The following FNTB variants were observed in gnomAD, a reference collection of about 807,000 sequenced individuals.
FNTB encodes farnesyltransferase, CAAX box, subunit beta.
Under a neutral mutation model 59.4 loss-of-function variants are expected in FNTB, and 27 were observed. That is an observed-to-expected ratio of 0.45 (90% CI 0.34 to 0.63). The LOEUF (loss-of-function observed/expected upper bound fraction) is 0.63, where lower values mean the gene tolerates loss of function less well. Ranked by LOEUF, FNTB falls within the 20% of genes least tolerant of loss-of-function variation. The pLI, the probability that FNTB is intolerant of heterozygous loss-of-function variation, is 0.02. For synonymous variants in FNTB, 230 were observed against 220.7 expected, an observed-to-expected ratio of 1.04 and a Z score of -0.37; for missense variants, 449 against 559.6, an observed-to-expected ratio of 0.80 and a Z score of 1.99.
chr14:65,003,538 T>C (rs1013682856), intron 1 of FNTB: 7 of 152,128 alleles, frequency 4.6e-5, no homozygotes, highest in Non-Finnish European at 1.0e-4. Context: ...GCTTCATGTA[T>C]ACATAGGAGA....
intron 9 of FNTB, among the ~76,000 whole-genome samples, chr14:65,051,610 CAAAAAAGAAAAA>C (rs1485507886): frequency 6.9e-6 from 1 of 145,244 alleles, no homozygotes; most frequent in African/African-American, 2.5e-5. Context: ...GACTCTGTCT[CAAAAAAGAAAAA>C]AAAAAAGGAA....
In FNTB at chr14:65,009,856, C is replaced by T. The variant is rs190015204; in HGVS notation, c.210-2461C>T. ...CATCTCTTCCCGTGGCTGATCACAG[C>T]GTTTATTGGACAGGGCTCTGCTTGT... On this transcript the variant is annotated intron_variant, in intron 2 of 11. Transcript: ENST00000246166. This position sits in a 1 kb window ranked among gnomAD's most constrained non-coding sequence, Gnocchi z 4.2. Among the ~76,000 whole-genome samples, 240 of 152,192 alleles carry T rather than the reference C, an allele frequency of 1.6e-3. 4 individuals are homozygous for T. Among genetic ancestry groups the T allele is most frequent in the Admixed American group, 9.7e-3 (148 of 15,282 alleles).
At position 65,044,249 on chromosome 14, in the gene FNTB, C is replaced by G. The variant is rs560423090; in HGVS notation, c.823-62C>G. The G allele has an allele frequency of 2.3e-4, 362 of 1,607,174 alleles. 3 individuals carry two copies. The South Asian group carries it at 3.7e-3, about 16-fold the overall frequency. ...TCCCACAGATTGACTCCTGGAGATT[C>G]TGTCGGGCTGGATTTTGTCTCTTTT... On this transcript the variant is annotated intron_variant, in intron 8 of 11. Transcript: ENST00000246166. The surrounding 1 kb of genome is among the most constrained non-coding windows in gnomAD (Gnocchi z 5.5).
At chr14:65,013,877 A>T (rs4899159) in intron 3 of FNTB, among the ~76,000 whole-genome samples, 2 of 152,052 alleles carry the variant, frequency 1.3e-5, no homozygotes, top group African/African-American at 4.8e-5. Context: ...TTGTAACTAC[A>T]TGAGGTAGAT....
In FNTB at chr14:65,027,712, A is replaced by G; in HGVS notation, c.536A>G (p.Gln179Arg). Residue 179 changes from glutamine (Q) to arginine (R), a missense_variant, in exon 6 of 12, where the codon CAG becomes CGG. Physicochemically the swap from Gln to Arg is conservative, Grantham distance 43 (BLOSUM62 1). This residue lies in a region of FNTB where 337 missense variants were observed against 479.1 expected (regional missense o/e 0.70). Coordinates refer to ENST00000246166, the MANE Select transcript of FNTB (RefSeq NM_002028.4). This position sits in a 1 kb window ranked among gnomAD's most constrained non-coding sequence, Gnocchi z 5.7. ...CTGTTTCTCAGAGAGAAGCTTCTTCAGTATTTGTACTCCCTGAAGCAACCT... is the reference window on the plus strand; with the variant it reads ...CTGTTTCTCAGAGAGAAGCTTCTTCGGTATTTGTACTCCCTGAAGCAACCT... ...YDIINREKLLQYLYSLKQPDG... is the reference protein window; with the variant it reads ...YDIINREKLLRYLYSLKQPDG... 1 of 1,614,140 alleles carries G rather than the reference A, an allele frequency of 6.2e-7. No homozygotes were observed. The highest frequency in any genetic ancestry group is 8.5e-7 in the Non-Finnish European group (1 of 1,180,024).
chr14:65,032,122 A>G lies in FNTB; in HGVS notation c.606-488A>G, dbSNP rs2062099726. 6.6e-6 allele frequency among the ~76,000 whole-genome samples: 1 copy of G among 151,914 alleles called. No individual in the cohort carries two copies. The highest frequency in any genetic ancestry group is 1.9e-4 in the East Asian group (1 of 5,146). ...TCCTATCCTTGTTTGATCTATTACA[A>G]TTTGGTGGCCTGTTTTGCAGTTTAT... On this transcript the variant is annotated intron_variant, in intron 6 of 11. Transcript: ENST00000246166. The surrounding 1 kb of genome is among the most constrained non-coding windows in gnomAD (Gnocchi z 5.0).
At chr14:65,039,430 C>G (rs2062293253) in intron 7 of FNTB, among the ~76,000 whole-genome samples, 1 of 152,192 alleles carries the variant, frequency 6.6e-6, no homozygotes, top group African/African-American at 2.4e-5. Flanking sequence ...AACTTCCCAT[C>G]TTCTGCTGGA....
rs116760889 is a variant in FNTB, at chr14:65,015,392, C to T, written c.283-233C>T. 1,309 of 382,448 alleles carry T rather than the reference C, an allele frequency of 3.4e-3. 17 individuals are homozygous for T. Among genetic ancestry groups the T allele is most frequent in the African/African-American group, 0.022 (1,095 of 48,954 alleles). The allele number at this position is 382,448 out of a possible 1,614,324, so 23.7% of individuals were successfully genotyped here. ...TGCTGGGATTACAGGCATGAACCAC[C>T]GCGCCCAGCCTTGTTATCTTTTTTT... On this transcript the variant is annotated intron_variant, in intron 3 of 11. Transcript: ENST00000246166.
intron 4 of FNTB, among the ~76,000 whole-genome samples, chr14:65,017,160 T>TG (rs1354881353): frequency 6.6e-6 from 1 of 152,100 alleles, no homozygotes; most frequent in Non-Finnish European, 1.5e-5. Context: ...TGACCTCAGC[T>TG]GATCTACCTG....
At chr14:65,055,025 C>T (rs60233922) in intron 11 of FNTB, among the ~76,000 whole-genome samples, 18,739 of 152,268 alleles carry the variant, frequency 0.12, 2,453 homozygotes, top group African/African-American at 0.33. Context: ...CCAGCAGGCT[C>T]GTGATAGCAC....
intron 1 of FNTB, chr14:65,003,313 G>A (rs1457776648): frequency 2.6e-5 from 4 of 152,132 alleles, no homozygotes; most frequent in African/African-American, 4.8e-5. Flanking sequence ...TTTACAATAA[G>A]AAGCATGACT....
chr14:65,060,891 A>AAAAAC (rs570164596), intron 11 of FNTB, among the ~76,000 whole-genome samples: 4 of 141,616 alleles, frequency 2.8e-5, no homozygotes, highest in Non-Finnish European at 3.0e-5. Flanking sequence ...AAAAAAAAAA[A>AAAAAC]AAAACAGTTT....
At position 65,032,430 on chromosome 14, in the gene FNTB, A is replaced by G. The variant is rs141074110; in HGVS notation, c.606-180A>G. The stretch of plus-strand genomic sequence containing the variant: ...CTGAAGCCATGCCGTGAGCAACTCT[A>G]TCCAAATAGAATGTCACACCTCTCA... On this transcript the variant is annotated intron_variant, in intron 6 of 11. Transcript: ENST00000246166. The surrounding 1 kb of genome is among the most constrained non-coding windows in gnomAD (Gnocchi z 5.0). 7 of 534,798 alleles carry G rather than the reference A, an allele frequency of 1.3e-5. No individual in the cohort carries two copies. The highest frequency in any genetic ancestry group is 1.2e-4 in the African/African-American group (6 of 50,972). The allele number at this position is 534,798 out of a possible 1,614,324, so 33.1% of individuals were successfully genotyped here.
At chr14:65,059,837 CTTT>C (rs34459085) in intron 11 of FNTB, among the ~76,000 whole-genome samples, 2 of 134,222 alleles carry the variant, frequency 1.5e-5, no homozygotes, top group Non-Finnish European at 3.2e-5. Context: ...GTCCTTTTTT[CTTT>C]TTTTTTTTTT....
At position 65,044,181 on chromosome 14, in the gene FNTB, C is replaced by T; in HGVS notation, c.823-130C>T. The stretch of plus-strand genomic sequence containing the variant: ...AGGGAAGGAAAGAAAACCAGAGCAC[C>T]AAAACTAGAGTGCCAAGAAGCCACA... On this transcript the variant is annotated intron_variant, in intron 8 of 11. Coordinates refer to ENST00000246166, the MANE Select transcript of FNTB (RefSeq NM_002028.4). The surrounding 1 kb of genome is among the most constrained non-coding windows in gnomAD (Gnocchi z 5.5). 1 of 1,519,718 alleles carries T rather than the reference C, an allele frequency of 6.6e-7. No homozygotes were observed. The highest frequency in any genetic ancestry group is 9.0e-7 in the Non-Finnish European group (1 of 1,116,176). 94.1% of individuals were successfully genotyped at this position (1,519,718 alleles called of 1,614,324 possible).
chr14:64,987,389 A>G, intron 1 of FNTB: 1 of 480,776 alleles, frequency 2.1e-6, no homozygotes, highest in Non-Finnish European at 3.8e-6. Context: ...CCTGGAGGAC[A>G]GAGGCAGCCC....
chr14:65,034,591 T>C (rs1005347451), intron 7 of FNTB, among the ~76,000 whole-genome samples: 1 of 152,232 alleles, frequency 6.6e-6, no homozygotes, highest in African/African-American at 2.4e-5. Flanking sequence ...TCATGCTCAA[T>C]GGTAAGGCAG....
chr14:65,041,553 AC>A (rs1238217631), intron 8 of FNTB, among the ~76,000 whole-genome samples: 1 of 152,036 alleles, frequency 6.6e-6, no homozygotes, highest in Non-Finnish European at 1.5e-5. Context: ...GGGAGCATGT[AC>A]CCCCTGACCA....
intron 7 of FNTB, among the ~76,000 whole-genome samples, 186 bp from the exon 8 acceptor site, chr14:65,040,604 C>CT (rs35890649): frequency 0.17 from 19,978 of 117,182 alleles, 2,632 homozygotes; most frequent in East Asian, 0.4. Flanking sequence ...CCAGGCCCAG[C>CT]TTTTTTTTTT....
Sources: allele counts gnomAD v4.1 joint callset (sites outside exome capture counted in the v4.1 genomes callset), GRCh38; gene constraint gnomAD v4.1.1; regional missense constraint gnomAD v4.1.1; non-coding constraint Gnocchi (gnomAD v3.1); transcripts MANE v1.5; gene names NCBI Gene and HGNC (gene_info 2026-07-23, HGNC 2026-07-21).